MSH3: variants seen among roughly 807,000 people sequenced by gnomAD.
MSH3 encodes mutS homolog 3.
A neutral mutation model predicts 123.3 loss-of-function variants in MSH3; 106 were observed. That is an observed-to-expected ratio of 0.86 (90% confidence interval 0.73 to 1.01). The LOEUF (loss-of-function observed/expected upper bound fraction) is 1.01. MSH3 is among the 50% of genes least tolerant of loss of function. The pLI is 0.00. For missense variants in MSH3, 1,459 were observed against 1,347.6 expected, an observed-to-expected ratio of 1.08 and a Z score of -1.29; for synonymous variants, 515 against 481.4, an observed-to-expected ratio of 1.07 and a Z score of -0.91.
At chr5:80,805,386 G>A (rs891522606) in intron 19 of MSH3, among the ~76,000 whole-genome samples, 4 of 152,120 alleles carry the variant, frequency 2.6e-5, no homozygotes, top group African/African-American at 9.7e-5. Context: ...TACTTTTCAA[G>A]CATCTAAATT....
chr5:80,811,032 TA>T (rs76282266), intron 19 of MSH3, among the ~76,000 whole-genome samples: 29,587 of 150,510 alleles, frequency 0.2, 3,338 homozygotes, highest in South Asian at 0.36. Flanking sequence ...TATTTCAAGA[TA>T]AAAAAAAAAT....
chr5:80,831,858 C>T (rs1440497242), intron 20 of MSH3, among the ~76,000 whole-genome samples: 1 of 152,104 alleles, frequency 6.6e-6, no homozygotes, highest in African/African-American at 2.4e-5. Context: ...CCTGTAATCC[C>T]AGCACTTTGG....
At chr5:80,729,724 A>G (rs997922962) in intron 10 of MSH3, among the ~76,000 whole-genome samples, 1 of 152,158 alleles carries the variant, frequency 6.6e-6, no homozygotes, top group Non-Finnish European at 1.5e-5. Flanking sequence ...TGGAAATTTA[A>G]AAGCTCACAA....
intron 20 of MSH3, among the ~76,000 whole-genome samples, chr5:80,824,352 T>A (rs1439860467): frequency 6.6e-6 from 1 of 150,720 alleles, no homozygotes; most frequent in Non-Finnish European, 1.5e-5. Context: ...ACGGGGCGGC[T>A]GGCCGGGTGG....
In MSH3 at chr5:80,778,769, A is replaced by G. The variant is rs745894696; in HGVS notation, c.2368A>G (p.Arg790Gly). The change falls in exon 17 of 24, where the codon AGA (arginine) becomes GGA (glycine). Residue 790 changes from arginine (R) to glycine (G), a missense_variant. By Grantham distance (125) the Arg-to-Gly change is moderately radical. Transcript: ENST00000265081. ...FHSPFIVENYRHLNQLREQLV... is the reference protein window; with the variant it reads ...FHSPFIVENYGHLNQLREQLV... ...CTCTCCTTTTATTGTAGAAAATTACAGACATCTGAATCAGCTCCGGGAGCA... is the reference window on the plus strand; with the variant it reads ...CTCTCCTTTTATTGTAGAAAATTACGGACATCTGAATCAGCTCCGGGAGCA... The G allele has an allele frequency of 3.1e-6, 5 of 1,613,378 alleles. No individual in the cohort carries two copies. Among genetic ancestry groups the G allele is most frequent in the Admixed American group, 3.3e-5 (2 of 60,010 alleles).
At position 80,793,117 on chromosome 5, in the gene MSH3, C is replaced by T. The variant is rs6151848; in HGVS notation, c.2655+273C>T. Among the ~76,000 whole-genome samples, 308 of 152,268 alleles carry T rather than the reference C, an allele frequency of 2.0e-3. 1 individual carries two copies. The highest frequency in any genetic ancestry group is 0.01 in the Middle Eastern group (3 of 294). On this transcript the variant is annotated intron_variant, in intron 19 of 23. Coordinates refer to ENST00000265081, the MANE Select transcript of MSH3 (RefSeq NM_002439.5). ...TTTACATTTGTAAATACCCAATATG[C>T]AAATAGAGTTGGAATTATACCATAG...
At chr5:80,703,893 A>T (rs1750663571) in intron 8 of MSH3, among the ~76,000 whole-genome samples, 1 of 151,978 alleles carries the variant, frequency 6.6e-6, no homozygotes, top group South Asian at 2.1e-4. Context: ...GATTTTGTTC[A>T]TAATCTCAGG....
In MSH3 at chr5:80,768,011, G is replaced by T; in HGVS notation, c.1975G>T (p.Val659Phe). ...AGAATTTCAAGCAATAATACCTGCT[G>T]TTAATTCCCACATTCAGTCAGACTT... is the stretch of plus-strand genomic sequence containing the variant. ...KSEFQAIIPA[V>F]NSHIQSDLLR... is the part of the protein sequence containing the mutation. Residue 659 changes from valine to phenylalanine, a missense_variant, in exon 14 of 24, where the codon GTT becomes TTT. Transcript: ENST00000265081. 1 of 1,613,572 alleles carries T rather than the reference G, an allele frequency of 6.2e-7. No individual in the cohort carries two copies. The highest frequency in any genetic ancestry group is 1.1e-5 in the South Asian group (1 of 91,064).
chr5:80,657,854 G>A (rs1338763933), intron 2 of MSH3, among the ~76,000 whole-genome samples: 3 of 136,452 alleles, frequency 2.2e-5, no homozygotes, highest in Non-Finnish European at 5.0e-5. Context: ...CATGCAAGGA[G>A]GCGTGACTTG....
intron 8 of MSH3, among the ~76,000 whole-genome samples, chr5:80,687,582 G>T (rs754245883): frequency 1.2e-4 from 18 of 152,088 alleles, no homozygotes; most frequent in Non-Finnish European, 2.6e-4. Flanking sequence ...GGGGAGGGGG[G>T]AAGGGTATGT....
rs1745046797 is a variant in MSH3 at position 80,813,616 on chromosome 5, A to G, written c.2688A>G (p.Gly896=). Residue 896 remains glycine (G), a synonymous_variant, in exon 20 of 24, where the codon GGA becomes GGG. Coordinates refer to ENST00000265081, the MANE Select transcript of MSH3 (RefSeq NM_002439.5). ...EDSERVMIIT[G]PNMGGKSSYI... ...CAGAGAGAGTAATGATAATTACCGG[A>G]CCAAACATGGGTGGAAAGAGCTCCT... is the stretch of plus-strand genomic sequence containing the variant. 8 of 1,614,162 alleles carry G rather than the reference A, an allele frequency of 5.0e-6. No individual in the cohort carries two copies. The highest frequency in any genetic ancestry group is 6.8e-6 in the Non-Finnish European group (8 of 1,180,008).
rs149901122 is a variant in MSH3, at chr5:80,661,261, CCTT to C, written c.359-3879_359-3877del. Among the ~76,000 whole-genome samples, 1,246 of 152,156 alleles carry C rather than the reference CCTT, an allele frequency of 8.2e-3. 18 individuals are homozygous for C. The highest frequency in any genetic ancestry group is 0.029 in the African/African-American group (1,202 of 41,508). On this transcript the variant is annotated intron_variant, in intron 2 of 23. Transcript: ENST00000265081. The stretch of plus-strand genomic sequence containing the variant: ...TTCTGTCTTCCTGTCTCTTGTGTCT[CCTT>C]CTGAGAGTTTATTACGGGGATGTTA...
intron 2 of MSH3, among the ~76,000 whole-genome samples, chr5:80,660,172 T>G (rs1650690): frequency 0.21 from 31,138 of 151,652 alleles, 3,550 homozygotes; most frequent in African/African-American, 0.3. Flanking sequence ...TCAGAAACAT[T>G]GTGGGAGTTG....
At chr5:80,655,492 A>T in intron 1 of MSH3, 1 of 203,130 alleles carries the variant, frequency 4.9e-6, no homozygotes, top group Non-Finnish European at 1.0e-5. Context: ...AAAGTCTGAA[A>T]TACAGTTTGG....
intron 8 of MSH3, among the ~76,000 whole-genome samples, chr5:80,703,140 A>G (rs1750647558): frequency 6.6e-6 from 1 of 152,252 alleles, no homozygotes; most frequent in African/African-American, 2.4e-5. Context: ...ATTATTTAAT[A>G]TGTCCATAAT....
rs764871098 is a variant in MSH3 at position 80,813,714 on chromosome 5, T to C, written c.2786T>C (p.Ile929Thr). The C allele has an allele frequency of 1.9e-5, 31 of 1,613,972 alleles. No homozygotes were observed. The South Asian group carries it at 2.4e-4, about 13-fold the overall frequency. ...TATGTTCCTGCAGAAGAAGCGACAA[T>C]TGGGATTGTGGATGGCATTTTCACA... ...GSYVPAEEATIGIVDGIFTRM... is the reference protein window; with the variant it reads ...GSYVPAEEATTGIVDGIFTRM... The change falls in exon 20 of 24, where the codon ATT becomes ACT. Residue 929 changes from isoleucine (I) to threonine (T), a missense_variant. Coordinates refer to ENST00000265081, the MANE Select transcript of MSH3 (RefSeq NM_002439.5).
chr5:80,661,441 C>T (rs1749432987), intron 2 of MSH3, among the ~76,000 whole-genome samples: 1 of 152,058 alleles, frequency 6.6e-6, no homozygotes, highest in Non-Finnish European at 1.5e-5. Context: ...CTGTAAATCT[C>T]GTTTAATAAA....
chr5:80,660,948 G>A (rs112892171), intron 2 of MSH3, among the ~76,000 whole-genome samples: 18,874 of 151,964 alleles, frequency 0.12, 1,330 homozygotes, highest in African/African-American at 0.2. Flanking sequence ...ACAGGCACTC[G>A]CCACCACGCC....
At chr5:80,707,023 G>T (rs551523288) in intron 8 of MSH3, among the ~76,000 whole-genome samples, 4 of 152,218 alleles carry the variant, frequency 2.6e-5, no homozygotes, top group Middle Eastern at 3.4e-3. Context: ...TTTTGCAGTG[G>T]TTTTCTCCCC....
Sources: allele counts gnomAD v4.1 joint callset (sites outside exome capture counted in the v4.1 genomes callset), GRCh38; gene constraint gnomAD v4.1.1; transcripts MANE v1.5; gene names NCBI Gene and HGNC (gene_info 2026-07-23, HGNC 2026-07-21).